The following RPIA variants were observed in gnomAD, a reference collection of about 807,000 sequenced individuals.
RPIA encodes ribose-5-phosphate isomerase.
In RPIA, 29 loss-of-function variants were observed where a neutral mutation model predicts 37.8. That is an observed-to-expected ratio of 0.77 (90% CI 0.57 to 1.05). RPIA has a LOEUF of 1.05. Ranked by LOEUF, RPIA falls within the 50% of genes least tolerant of loss-of-function variation. The pLI is 0.00. For synonymous variants in RPIA, 167 were observed against 157.0 expected (o/e 1.06, Z -0.48); for missense variants, 385 against 413.6 (o/e 0.93, Z 0.60).
At position 88,737,964 on chromosome 2, in the gene RPIA, A is replaced by G; in HGVS notation, c.739-13A>G. The G allele has an allele frequency of 6.2e-7, 1 of 1,604,224 alleles. No homozygotes were observed. Among genetic ancestry groups the G allele is most frequent in the East Asian group, 2.2e-5 (1 of 44,816 alleles). On this transcript the variant is annotated splice_polypyrimidine_tract_variant and intron_variant, in intron 7 of 8. Coordinates refer to ENST00000283646, the MANE Select transcript of RPIA (RefSeq NM_144563.3). ...ATCTGCATCCTTGGTCACTGTGGAA[A>G]ATTATCTTCTAGGGTCCTGTGGTGA... is the stretch of plus-strand genomic sequence containing the variant.
intron 8 of RPIA, among the ~76,000 whole-genome samples, chr2:88,739,579 A>G (rs1174297795): frequency 6.6e-6 from 1 of 152,244 alleles, no homozygotes; most frequent in Non-Finnish European, 1.5e-5. Context: ...TAGTGTGAAT[A>G]TAAGCTGTGT....
At chr2:88,739,243 A>G (rs755537968) in intron 8 of RPIA, among the ~76,000 whole-genome samples, 2 of 152,154 alleles carry the variant, frequency 1.3e-5, no homozygotes, top group Non-Finnish European at 2.9e-5. Flanking sequence ...TTGGGCCAGA[A>G]CTGGCTGACA....
In RPIA at chr2:88,750,723, T is replaced by C. The variant is rs1245156161; in HGVS notation, c.*645T>C. The C allele has an allele frequency of 2.0e-5, 8 of 398,940 alleles. No homozygotes were observed. In the East Asian group the frequency reaches 2.8e-4, roughly 14 times the overall value. The allele number at this position is 398,940 out of a possible 1,614,324, so 24.7% of individuals were successfully genotyped here. A position where few individuals can be genotyped will look rare whatever the true frequency, so the allele number is the denominator to read the frequency against. On this transcript the variant is annotated 3_prime_UTR_variant, in exon 9 of 9. Transcript: ENST00000283646. The stretch of plus-strand genomic sequence containing the variant: ...TCTGGGGGTTTCTTCATATTCCTGC[T>C]GTTGGAAGCAGTTGACCAGAAATGC...
At chr2:88,701,406 A>G (rs1558688533) in intron 3 of RPIA, among the ~76,000 whole-genome samples, 1 of 152,110 alleles carries the variant, frequency 6.6e-6, no homozygotes, top group Non-Finnish European at 1.5e-5. Flanking sequence ...TTAATAAATT[A>G]CATTGGTGTT....
intron 2 of RPIA, among the ~76,000 whole-genome samples, chr2:88,699,461 TCTC>T (rs1357132165): frequency 6.6e-6 from 1 of 151,844 alleles, no homozygotes; most frequent in Non-Finnish European, 1.5e-5. Context: ...AAAAAATAAA[TCTC>T]CTTTAGCTAC....
chr2:88,742,977 A>G (rs536255111), intron 8 of RPIA, among the ~76,000 whole-genome samples: 3 of 152,252 alleles, frequency 2.0e-5, no homozygotes, highest in Admixed American at 6.5e-5. Context: ...GTATATGATC[A>G]TATTATTAGT....
chr2:88,743,196 C>T (rs183042307), intron 8 of RPIA, among the ~76,000 whole-genome samples: 6 of 152,092 alleles, frequency 3.9e-5, no homozygotes, highest in African/African-American at 7.2e-5. Flanking sequence ...GCTTTTATTA[C>T]CTTTAGGTAT....
chr2:88,693,507 C>T (rs79885488), intron 1 of RPIA, among the ~76,000 whole-genome samples: 5,080 of 152,290 alleles, frequency 0.033, 256 homozygotes, highest in African/African-American at 0.12. Flanking sequence ...ATTTCTCTTC[C>T]GTGATTCTGT....
chr2:88,700,672 C>T (rs750398670), intron 3 of RPIA, among the ~76,000 whole-genome samples: 1 of 151,884 alleles, frequency 6.6e-6, no homozygotes, highest in Non-Finnish European at 1.5e-5. Context: ...AAAAATCAGG[C>T]TAAAAGGAAT....
chr2:88,743,182 G>T (rs1316122994), intron 8 of RPIA, among the ~76,000 whole-genome samples: 1 of 152,028 alleles, frequency 6.6e-6, no homozygotes, highest in Non-Finnish European at 1.5e-5. Flanking sequence ...GTTTGTCATA[G>T]GTGGCTTTTA....
chr2:88,737,610 A>C (rs1215399532), intron 7 of RPIA, among the ~76,000 whole-genome samples: 2 of 152,232 alleles, frequency 1.3e-5, no homozygotes, highest in African/African-American at 4.8e-5. Context: ...TTAAGGAAGC[A>C]GATAAGAACA....
chr2:88,748,928 G>A (rs1673469547), intron 8 of RPIA, among the ~76,000 whole-genome samples: 1 of 152,046 alleles, frequency 6.6e-6, no homozygotes, highest in Non-Finnish European at 1.5e-5. Flanking sequence ...TTCCCAGGCT[G>A]GTCTCGAACT....
At chr2:88,699,327 G>T (rs927453100) in intron 2 of RPIA, among the ~76,000 whole-genome samples, 1 of 151,942 alleles carries the variant, frequency 6.6e-6, no homozygotes, top group Non-Finnish European at 1.5e-5. Flanking sequence ...TATAATAGTG[G>T]CACCCAAACC....
intron 3 of RPIA, among the ~76,000 whole-genome samples, chr2:88,703,306 A>G (rs541206794): frequency 6.6e-6 from 1 of 152,264 alleles, no homozygotes; most frequent in African/African-American, 2.4e-5. Flanking sequence ...AGGGGCTCCA[A>G]CCCCACATTT....
intron 3 of RPIA, among the ~76,000 whole-genome samples, chr2:88,711,876 A>G (rs1672965618): frequency 6.6e-6 from 1 of 152,238 alleles, no homozygotes; most frequent in African/African-American, 2.4e-5. Flanking sequence ...GTGGTGGCTC[A>G]TGCCAGTAAT....
chr2:88,746,062 G>A (rs777686887), intron 8 of RPIA, among the ~76,000 whole-genome samples: 71 of 151,272 alleles, frequency 4.7e-4, no homozygotes, highest in Admixed American at 3.3e-4. Flanking sequence ...TTTTCTACTC[G>A]TTCTAATCTG....
At chr2:88,700,183 G>T in intron 3 of RPIA, 119 bp downstream of exon 3, 1 of 907,416 alleles carries the variant, frequency 1.1e-6, no homozygotes, top group South Asian at 1.3e-5. Context: ...GAGAGTCCAG[G>T]AATAGGAGAG....
intron 3 of RPIA, 62 bp downstream of exon 3, chr2:88,700,126 T>G: frequency 2.0e-6 from 3 of 1,518,676 alleles, no homozygotes; most frequent in Non-Finnish European, 1.8e-6. Context: ...TTCCCCGGGG[T>G]TGTGGACCTA....
At chr2:88,740,358 T>A (rs759582472) in intron 8 of RPIA, among the ~76,000 whole-genome samples, 2 of 152,236 alleles carry the variant, frequency 1.3e-5, no homozygotes, top group African/African-American at 2.4e-5. Context: ...AGGAAAATGA[T>A]AAAAGAGGCT....
Sources: allele counts gnomAD v4.1 joint callset (sites outside exome capture counted in the v4.1 genomes callset), GRCh38; gene constraint gnomAD v4.1.1; transcripts MANE v1.5; gene names NCBI Gene and HGNC (gene_info 2026-07-23, HGNC 2026-07-21).